PRKDC: variants seen among roughly 807,000 people sequenced by gnomAD.
PRKDC encodes the protein protein kinase, DNA-activated, catalytic subunit.
In PRKDC, 82 loss-of-function variants were observed where a neutral mutation model predicts 486.9. That is an observed-to-expected ratio of 0.17 (90% confidence interval 0.14 to 0.20). The LOEUF is 0.20. PRKDC is among the 10% of genes least tolerant of loss of function. PRKDC has a pLI of 1.00. For missense variants in PRKDC, 4,504 were observed against 5,038.2 expected (o/e 0.89, Z 3.21); for synonymous variants, 1,895 against 1,837.0 (o/e 1.03, Z -0.81).
chr8:47,941,729 G>A (rs1300171077), intron 10 of PRKDC, among the ~76,000 whole-genome samples: 1 of 152,192 alleles, frequency 6.6e-6, no homozygotes, highest in African/African-American at 2.4e-5. Flanking sequence ...TCCCAAACTT[G>A]CAACAGGCAT....
At chr8:47,790,744 C>T (rs571564293) in intron 74 of PRKDC, among the ~76,000 whole-genome samples, 1 of 152,242 alleles carries the variant, frequency 6.6e-6, no homozygotes, top group Non-Finnish European at 1.5e-5. Flanking sequence ...AATAGAGAAC[C>T]CAGAAATAAA....
intron 74 of PRKDC, 79 bp from the exon 75 acceptor site, chr8:47,789,317 A>G (rs967386500): frequency 2.5e-5 from 13 of 523,926 alleles, no homozygotes; most frequent in Middle Eastern, 6.1e-4. Flanking sequence ...CCATACATAT[A>G]TAAGTTATAT....
Position 47,888,595 on chromosome 8 carries a change from T to TAA in PRKDC, c.4335_4336insTT (p.Ser1446LeufsTer59), listed in dbSNP as rs2089387359. 1 of 1,592,262 alleles carries TAA rather than the reference T, an allele frequency of 6.3e-7. No individual in the cohort carries two copies. The highest frequency in any genetic ancestry group is 1.3e-5 in the African/African-American group (1 of 74,518). ...GCAGACACAACAGCAGCCAGCCTGC[T>TAA]CCTGTCCACTTGCGCGTCAGGGCCA... On this transcript the variant is annotated frameshift_variant, in exon 34 of 86. Coordinates refer to ENST00000314191, the MANE Select transcript of PRKDC (RefSeq NM_006904.7). LOFTEE classifies it high-confidence loss of function.
At chr8:47,906,693 T>C (rs2089789371) in intron 25 of PRKDC, among the ~76,000 whole-genome samples, 1 of 151,316 alleles carries the variant, frequency 6.6e-6, no homozygotes, top group Non-Finnish European at 1.5e-5. Context: ...ATCCTGTACA[T>C]TTCTGCCTCA....
intron 76 of PRKDC, among the ~76,000 whole-genome samples, chr8:47,785,880 G>A (rs1389193405): frequency 2.0e-5 from 3 of 152,162 alleles, no homozygotes; most frequent in Non-Finnish European, 2.9e-5. Context: ...CGAGGCAGGT[G>A]GATCACTTGA....
intron 60 of PRKDC, among the ~76,000 whole-genome samples, chr8:47,831,510 AGCGAGG>A (rs2087873260): frequency 6.6e-6 from 1 of 151,648 alleles, no homozygotes; most frequent in Admixed American, 6.6e-5. Flanking sequence ...TGGTCCCTGA[AGCGAGG>A]GCCAGTGAAG....
intron 10 of PRKDC, 82 bp from the exon 11 acceptor site, chr8:47,939,779 T>A: frequency 8.6e-7 from 1 of 1,168,266 alleles, no homozygotes; most frequent in Non-Finnish European, 1.2e-6. Context: ...TAGAACTGTT[T>A]AGATGCTACT....
At chr8:47,915,216 A>C (rs2089966849) in intron 23 of PRKDC, 112 bp downstream of exon 23, 2 of 600,488 alleles carry the variant, frequency 3.3e-6, no homozygotes, top group Non-Finnish European at 5.6e-6. Flanking sequence ...CTTATTTAGA[A>C]ATATATAAAT....
chr8:47,895,735 A>G (rs1426868196), intron 30 of PRKDC, among the ~76,000 whole-genome samples: 1 of 152,230 alleles, frequency 6.6e-6, no homozygotes, highest in Non-Finnish European at 1.5e-5. Flanking sequence ...TTAGCTAAAC[A>G]CATTAAGCAA....
intron 2 of PRKDC, 43 bp from the exon 3 acceptor site, chr8:47,957,306 G>C: frequency 6.3e-7 from 1 of 1,579,238 alleles, no homozygotes; most frequent in East Asian, 2.2e-5. Context: ...GGTAAGAGGA[G>C]TCACTCCAGG....
rs192754085 is a variant in PRKDC, at chr8:47,935,235, C to T, written c.1448-177G>A. ...TAAAACTATTGGCCAGGCGCGGTGG[C>T]TCATGCCTGTAATCCCAGCACTTTG... On this transcript the variant is annotated intron_variant, in intron 13 of 85. Transcript: ENST00000314191. Among the ~76,000 whole-genome samples, 133 of 152,298 alleles carry T rather than the reference C, an allele frequency of 8.7e-4. 3 individuals are homozygous for T. In the East Asian group the frequency reaches 0.024, roughly 27 times the overall value.
At chr8:47,841,674 C>G (rs368307244) in intron 54 of PRKDC, among the ~76,000 whole-genome samples, 1 of 152,172 alleles carries the variant, frequency 6.6e-6, no homozygotes, top group Non-Finnish European at 1.5e-5. Flanking sequence ...TAGAGTGAGA[C>G]GTGGGTTTGT....
intron 72 of PRKDC, among the ~76,000 whole-genome samples, chr8:47,798,965 C>T (rs528191055): frequency 1.1e-4 from 16 of 152,222 alleles, no homozygotes; most frequent in African/African-American, 2.2e-4. Flanking sequence ...TGGGCCACCA[C>T]GCCCAGCTAA....
chr8:47,783,656 G>A, intron 78 of PRKDC, 86 bp downstream of exon 78: 1 of 1,293,894 alleles, frequency 7.7e-7, no homozygotes, highest in Non-Finnish European at 1.1e-6. Flanking sequence ...ATGGGCCGTT[G>A]TCTCATATAC....
At chr8:47,824,120 C>T (rs562224460) in intron 63 of PRKDC, 124 bp from the exon 64 acceptor site, 3 of 1,030,964 alleles carry the variant, frequency 2.9e-6, no homozygotes, top group African/African-American at 1.6e-5. Flanking sequence ...TAAAGTGTTA[C>T]TTTAATTTTG....
In PRKDC at chr8:47,863,455, T is replaced by A; in HGVS notation, c.5694A>T (p.Gln1898His). The change falls in exon 42 of 86, where the codon CAA (glutamine) becomes CAT (histidine). Residue 1898 changes from glutamine (Q) to histidine (H), a missense_variant. Gln to His is a conservative substitution (Grantham distance 24). Transcript: ENST00000314191. ...CTGTAATACACGAGCCATGGAAAAC[T>A]TGATTAATTTTTGATTCCTTAGCAT... ...DVHAKESKIN[Q>H]VFHGSCITEG... 1 of 1,612,546 alleles carries A rather than the reference T, an allele frequency of 6.2e-7. No homozygotes were observed. Among genetic ancestry groups the A allele is most frequent in the Non-Finnish European group, 8.5e-7 (1 of 1,179,116 alleles).
chr8:47,816,447 G>A (rs2087448446), intron 68 of PRKDC, among the ~76,000 whole-genome samples: 1 of 152,138 alleles, frequency 6.6e-6, no homozygotes, highest in Non-Finnish European at 1.5e-5. Flanking sequence ...TACTGATCTT[G>A]TTGTAGAGGT....
chr8:47,798,060 C>G lies in PRKDC; in HGVS notation c.10458+177G>C, dbSNP rs934311874. On this transcript the variant is annotated intron_variant, in intron 73 of 85. Transcript: ENST00000314191. ...ACCCACAGAGGAAAATGGGTAAATG[C>G]GAAAACTCGTTTTTGCAGCTTTAAA... Among the ~76,000 whole-genome samples the G allele has an allele frequency of 5.3e-5, 8 of 152,180 alleles. 1 individual carries two copies. The highest frequency in any genetic ancestry group is 1.9e-4 in the African/African-American group (8 of 41,430).
intron 54 of PRKDC, among the ~76,000 whole-genome samples, chr8:47,847,175 G>A (rs796367589): frequency 6.6e-6 from 1 of 151,996 alleles, no homozygotes; most frequent in Non-Finnish European, 1.5e-5. Flanking sequence ...AAAAGAGCCC[G>A]AATAGCCAAA....
Sources: gnomAD v4.1 joint callset for allele counts (sites outside exome capture counted in the v4.1 genomes callset) on GRCh38, gnomAD v4.1.1 for gene constraint, MANE v1.5 for transcripts, NCBI Gene and HGNC (gene_info 2026-07-23, HGNC 2026-07-21) for gene names.